Variants in SEMA5A observed in about 807,000 individuals in gnomAD.
SEMA5A encodes semaphorin-5A.
Under a neutral mutation model 135.5 loss-of-function variants are expected in SEMA5A, and 55 were observed. That is an observed-to-expected ratio of 0.41 (90% CI 0.33 to 0.51). The LOEUF is 0.51. Among genes scored for constraint, SEMA5A ranks in the 20% least tolerant of loss-of-function variants. SEMA5A has a pLI of 0.37. For synonymous variants in SEMA5A, 580 were observed against 546.5 expected, an observed-to-expected ratio of 1.06 and a Z score of -0.85; for missense variants, 1,290 against 1,419.9, an observed-to-expected ratio of 0.91 and a Z score of 1.47.
At chr5:9,122,314 T>C (rs1199476932) in intron 14 of SEMA5A, among the ~76,000 whole-genome samples, 1 of 152,194 alleles carries the variant, frequency 6.6e-6, no homozygotes, top group Non-Finnish European at 1.5e-5. Context: ...CCTAACCTAG[T>C]GTTATTATAT....
At chr5:9,346,963 A>G (rs1345376745) in intron 3 of SEMA5A, among the ~76,000 whole-genome samples, 2 of 152,122 alleles carry the variant, frequency 1.3e-5, no homozygotes, top group African/African-American at 4.8e-5. Flanking sequence ...TAGATATTAT[A>G]GACACTTAAT....
intron 15 of SEMA5A, among the ~76,000 whole-genome samples, chr5:9,110,412 C>T (rs1024840905): frequency 6.6e-6 from 1 of 152,186 alleles, no homozygotes; most frequent in Non-Finnish European, 1.5e-5. Flanking sequence ...ATAGAACAAA[C>T]AGCAACTAGA....
intron 1 of SEMA5A, among the ~76,000 whole-genome samples, chr5:9,542,223 C>T (rs1039263579): frequency 2.6e-5 from 4 of 152,188 alleles, no homozygotes; most frequent in Non-Finnish European, 5.9e-5. Context: ...CTGAATTTAT[C>T]CCCAAGTTGC....
At chr5:9,149,693 T>C (rs1742528328) in intron 12 of SEMA5A, among the ~76,000 whole-genome samples, 1 of 152,114 alleles carries the variant, frequency 6.6e-6, no homozygotes, top group Non-Finnish European at 1.5e-5. Flanking sequence ...GGCCCTCCCA[T>C]CACCACACCT....
chr5:9,285,917 A>G (rs976008843), intron 5 of SEMA5A, among the ~76,000 whole-genome samples: 1 of 152,232 alleles, frequency 6.6e-6, no homozygotes, highest in Non-Finnish European at 1.5e-5. Context: ...TTCTGACACA[A>G]AGTAATGATA....
rs572217642 is a variant in SEMA5A at position 9,363,649 on chromosome 5, G to T, written c.124+16174C>A. 4.6e-5 allele frequency among the ~76,000 whole-genome samples: 7 copies of T among 152,296 alleles called. No individual in the cohort carries two copies. The East Asian group carries it at 1.4e-3, about 29-fold the overall frequency. On this transcript the variant is annotated intron_variant, in intron 3 of 22. Coordinates refer to ENST00000382496, the MANE Select transcript of SEMA5A (RefSeq NM_003966.3). ...TCTCACTTGGAGTGTGAAATTCTTG[G>T]TGATATCAACCGAAGCTCCACATAG...
intron 5 of SEMA5A, among the ~76,000 whole-genome samples, chr5:9,309,319 C>G (rs1487566383): frequency 6.6e-6 from 1 of 151,976 alleles, no homozygotes; most frequent in Non-Finnish European, 1.5e-5. Context: ...GAACAGGGAA[C>G]AGTTAAGTGT....
chr5:9,321,040 G>T (rs1392436625), intron 4 of SEMA5A, among the ~76,000 whole-genome samples: 1 of 152,088 alleles, frequency 6.6e-6, no homozygotes, highest in African/African-American at 2.4e-5. Flanking sequence ...GGAGGTGATT[G>T]GATCATGGGG....
intron 12 of SEMA5A, among the ~76,000 whole-genome samples, chr5:9,149,552 G>A (rs1487257283): frequency 1.3e-5 from 2 of 152,216 alleles, no homozygotes; most frequent in Non-Finnish European, 2.9e-5. Flanking sequence ...GCTGAGGCAG[G>A]AGAATAACTT....
At chr5:9,119,537 T>A (rs1480017102) in intron 14 of SEMA5A, among the ~76,000 whole-genome samples, 1 of 152,184 alleles carries the variant, frequency 6.6e-6, no homozygotes, top group African/African-American at 2.4e-5. Flanking sequence ...TATTATATCA[T>A]TTATAATCTA....
intron 5 of SEMA5A, among the ~76,000 whole-genome samples, chr5:9,281,520 A>T (rs1462852762): frequency 6.6e-6 from 1 of 152,228 alleles, no homozygotes; most frequent in Non-Finnish European, 1.5e-5. Flanking sequence ...TAGCGTAAAA[A>T]GTCAACTGTG....
At chr5:9,163,396 G>A (rs1743406007) in intron 11 of SEMA5A, among the ~76,000 whole-genome samples, 1 of 152,164 alleles carries the variant, frequency 6.6e-6, no homozygotes, top group Non-Finnish European at 1.5e-5. Flanking sequence ...TATCAGTGGT[G>A]AAAAATTAAC....
intron 8 of SEMA5A, among the ~76,000 whole-genome samples, chr5:9,216,391 T>G (rs1746630622): frequency 6.6e-6 from 1 of 152,196 alleles, no homozygotes; most frequent in Non-Finnish European, 1.5e-5. Flanking sequence ...TTCTGAGGAT[T>G]GTTTTATGTC....
chr5:9,165,186 A>G, intron 11 of SEMA5A, among the ~76,000 whole-genome samples: 1 of 152,200 alleles, frequency 6.6e-6, no homozygotes, highest in South Asian at 2.1e-4. Flanking sequence ...AACACTTCCA[A>G]AACAGAAGAT....
chr5:9,207,134 A>ATATATATATATATATATATAT (rs1491507145), intron 8 of SEMA5A, among the ~76,000 whole-genome samples: 25 of 139,712 alleles, frequency 1.8e-4, no homozygotes, highest in East Asian at 2.2e-4. Context: ...ATATATATAT[A>ATATATATATATATATATATAT]AAGCTTAAAG....
chr5:9,536,773 A>G (rs1282202655), intron 1 of SEMA5A, among the ~76,000 whole-genome samples: 1 of 152,172 alleles, frequency 6.6e-6, no homozygotes, highest in East Asian at 1.9e-4. Context: ...ACAGCCTGGA[A>G]ATATTAAACT....
chr5:9,514,927 G>A lies in SEMA5A; in HGVS notation c.-175+30657C>T, dbSNP rs1029659854. ...TCATTAACCTTATGGATAAAAAATT[G>A]TGGGGTGGGATCCTGCAATTCTCTC... On this transcript the variant is annotated intron_variant, in intron 1 of 22. Transcript: ENST00000382496. 2.6e-5 allele frequency among the ~76,000 whole-genome samples: 4 copies of A among 152,184 alleles called. No individual in the cohort carries two copies. In the East Asian group the frequency reaches 7.7e-4, roughly 29 times the overall value.
In SEMA5A at chr5:9,377,771, G is replaced by A. The variant is rs1025183329; in HGVS notation, c.124+2052C>T. Among the ~76,000 whole-genome samples the A allele has an allele frequency of 7.2e-5, 11 of 152,312 alleles. No individual in the cohort carries two copies. In the South Asian group the frequency reaches 2.3e-3, roughly 32 times the overall value. ...CCTGGAGATGAGTTGGGAGTATCAG[G>A]AGAAGTTTATGGTATGTTTTAAAAA... On this transcript the variant is annotated intron_variant, in intron 3 of 22. Transcript: ENST00000382496.
chr5:9,382,242 G>A (rs904942782), intron 2 of SEMA5A, among the ~76,000 whole-genome samples: 1 of 152,148 alleles, frequency 6.6e-6, no homozygotes, highest in East Asian at 1.9e-4. Context: ...CAAGTCTGCA[G>A]ACAGCTAAGA....
Sources: allele counts gnomAD v4.1 joint callset (sites outside exome capture counted in the v4.1 genomes callset), GRCh38; gene constraint gnomAD v4.1.1; transcripts MANE v1.5; gene names NCBI Gene and HGNC (gene_info 2026-07-23, HGNC 2026-07-21).